NPEPPS: variants seen among roughly 807,000 people sequenced by gnomAD.
NPEPPS encodes puromycin-sensitive aminopeptidase.
NPEPPS carries 14 observed loss-of-function variants against 115.5 expected under a neutral mutation model. The ratio of observed to expected loss-of-function variants is 0.12; its 90% CI spans 0.08 to 0.19. The LOEUF is 0.19. Ranked by LOEUF, NPEPPS falls within the 10% of genes least tolerant of loss-of-function variation. NPEPPS has a pLI of 1.00. For synonymous variants in NPEPPS, 285 were observed against 390.6 expected (o/e 0.73, Z 3.19); for missense variants, 523 against 1,110.8 (o/e 0.47, Z 7.52).
intron 1 of NPEPPS, among the ~76,000 whole-genome samples, chr17:47,524,309 CA>C (rs200949448): frequency 1.6e-4 from 23 of 145,200 alleles, no homozygotes; most frequent in African/African-American, 1.5e-4. Flanking sequence ...AACTTTGTCT[CA>C]AAAAAAAAAA....
intron 1 of NPEPPS, among the ~76,000 whole-genome samples, chr17:47,542,492 G>T (rs1908836056): frequency 6.8e-6 from 1 of 146,526 alleles, no homozygotes; most frequent in Non-Finnish European, 1.5e-5. Flanking sequence ...GTTGCGGTGA[G>T]CCGAGATCAC....
At chr17:47,569,919 G>A (rs923107630) in intron 3 of NPEPPS, among the ~76,000 whole-genome samples, 3 of 152,026 alleles carry the variant, frequency 2.0e-5, no homozygotes, top group Non-Finnish European at 2.9e-5. Flanking sequence ...GCGCCCAGCC[G>A]TATTAAGAGC....
intron 5 of NPEPPS, 87 bp from the exon 6 acceptor site, chr17:47,585,413 C>G: frequency 2.4e-6 from 2 of 844,498 alleles, no homozygotes; most frequent in South Asian, 3.2e-5. Flanking sequence ...TAAAGAGATG[C>G]AATAAAGCCT....
Position 47,612,426 on chromosome 17 carries a change from A to T in NPEPPS, c.2096-34A>T, listed in dbSNP as rs1334570755. 4 of 1,603,226 alleles carry T rather than the reference A, an allele frequency of 2.5e-6. No homozygotes were observed. The African/African-American group carries it at 5.4e-5, about 22-fold the overall frequency. On this transcript the variant is annotated intron_variant, in intron 17 of 22. Coordinates refer to ENST00000322157, the MANE Select transcript of NPEPPS (RefSeq NM_006310.4). Reference sequence around the variant, plus strand: ...CAAACTTATAAAAATAGGCTTTTTAAGTAGTCTTATGTCTCTTTTACTTCT... The same window carrying T: ...CAAACTTATAAAAATAGGCTTTTTATGTAGTCTTATGTCTCTTTTACTTCT...
chr17:47,555,638 C>T (rs1276091482), intron 2 of NPEPPS, among the ~76,000 whole-genome samples: 5 of 151,830 alleles, frequency 3.3e-5, no homozygotes, highest in Admixed American at 6.6e-5. Flanking sequence ...CAAGCCACCG[C>T]GCCCGGCCAT....
chr17:47,552,337 C>A (rs1909711907), intron 2 of NPEPPS, among the ~76,000 whole-genome samples: 2 of 152,116 alleles, frequency 1.3e-5, no homozygotes, highest in Admixed American at 1.3e-4. Context: ...CTCAAATAAA[C>A]AACCCTTAAG....
chr17:47,596,917 A>G (rs1017880635), intron 13 of NPEPPS, among the ~76,000 whole-genome samples: 6 of 152,148 alleles, frequency 3.9e-5, no homozygotes, highest in Non-Finnish European at 7.4e-5. Flanking sequence ...GCATGGTGGC[A>G]CACACCTGTA....
At chr17:47,524,795 T>C (rs112903720) in intron 1 of NPEPPS, among the ~76,000 whole-genome samples, 5 of 150,888 alleles carry the variant, frequency 3.3e-5, no homozygotes, top group Non-Finnish European at 7.4e-5. Context: ...TGAGCCACCG[T>C]GCCCGGCCAA....
intron 1 of NPEPPS, among the ~76,000 whole-genome samples, chr17:47,540,614 C>A (rs1444170573): frequency 2.0e-5 from 3 of 152,142 alleles, no homozygotes; most frequent in African/African-American, 7.2e-5. Flanking sequence ...TCCAAAGTGC[C>A]ATATAATACA....
chr17:47,560,065 T>C (rs542259365), intron 2 of NPEPPS, among the ~76,000 whole-genome samples: 2 of 152,338 alleles, frequency 1.3e-5, no homozygotes, highest in South Asian at 2.1e-4. Flanking sequence ...TTTCATCCTC[T>C]TCTTCATCTT....
At chr17:47,586,711 CT>C (rs1227235110) in intron 8 of NPEPPS, 5 of 501,272 alleles carry the variant, frequency 1.0e-5, no homozygotes, top group Non-Finnish European at 1.9e-5. Context: ...AATTTCATAT[CT>C]TCTAGCCAAG....
intron 1 of NPEPPS, among the ~76,000 whole-genome samples, chr17:47,534,375 G>A (rs1396975026): frequency 2.0e-5 from 3 of 152,064 alleles, no homozygotes; most frequent in Non-Finnish European, 2.9e-5. Flanking sequence ...CACTGTGCCC[G>A]GCGACAAAAT....
chr17:47,558,020 GGCTTCAA>G (rs1458260293), intron 2 of NPEPPS, among the ~76,000 whole-genome samples: 1 of 148,414 alleles, frequency 6.7e-6, no homozygotes, highest in Non-Finnish European at 1.5e-5. Flanking sequence ...TCCACCTCCC[GGCTTCAA>G]GCAATGCTTG....
upstream of NPEPPS, among the ~76,000 whole-genome samples, chr17:47,529,147 T>C (rs1480213923): frequency 3.3e-5 from 5 of 152,328 alleles, no homozygotes; most frequent in South Asian, 8.3e-4. Context: ...AATTACTGGG[T>C]TCTATCTGAG....
chr17:47,541,436 G>T (rs1908757502), intron 1 of NPEPPS, among the ~76,000 whole-genome samples: 3 of 151,660 alleles, frequency 2.0e-5, no homozygotes, highest in Admixed American at 2.0e-4. Context: ...GAGTGCAATG[G>T]CGCGATTTCG....
chr17:47,614,700 A>G (rs998845784), intron 19 of NPEPPS, among the ~76,000 whole-genome samples: 1 of 152,200 alleles, frequency 6.6e-6, no homozygotes, highest in African/African-American at 2.4e-5. Flanking sequence ...TCTATAAAGA[A>G]ATGGCTTGAG....
At chr17:47,596,319 T>C (rs1490082461) in intron 12 of NPEPPS, 34 bp from the exon 13 acceptor site, 1 of 1,301,276 alleles carries the variant, frequency 7.7e-7, no homozygotes. Flanking sequence ...AATAAAAATA[T>C]AAACATTTTA....
chr17:47,600,425 G>A (rs1913123609), intron 14 of NPEPPS, among the ~76,000 whole-genome samples: 1 of 152,256 alleles, frequency 6.6e-6, no homozygotes, highest in Middle Eastern at 3.4e-3. Flanking sequence ...GACACGGCGA[G>A]ACCCTGTCTG....
intron 6 of NPEPPS, chr17:47,585,931 A>G (rs1300147247): frequency 1.8e-6 from 1 of 564,716 alleles, no homozygotes; most frequent in Non-Finnish European, 3.1e-6. Context: ...GTTGGAAAAT[A>G]TGTAGTTATA....
Sources: gnomAD v4.1 joint callset for allele counts (sites outside exome capture counted in the v4.1 genomes callset) on GRCh38, gnomAD v4.1.1 for gene constraint, MANE v1.5 for transcripts, NCBI Gene and HGNC (gene_info 2026-07-23, HGNC 2026-07-21) for gene names.